Variants in ZNF148 observed in about 807,000 individuals in gnomAD.
ZNF148 encodes Beta-Enolase Repressor Factor-1.
In ZNF148, 7 loss-of-function variants were observed where a neutral mutation model predicts 67.7. The ratio of observed to expected loss-of-function variants is 0.10; its 90% CI spans 0.06 to 0.19. The LOEUF is 0.19. Among genes scored for constraint, ZNF148 ranks in the 10% least tolerant of loss-of-function variants. ZNF148 has a pLI of 1.00. For missense variants in ZNF148, 583 were observed against 947.1 expected, an observed-to-expected ratio of 0.62 and a Z score of 5.05; for synonymous variants, 333 against 330.7, an observed-to-expected ratio of 1.01 and a Z score of -0.08.
intron 4 of ZNF148, among the ~76,000 whole-genome samples, chr3:125,295,728 G>A (rs1939248665): frequency 6.6e-6 from 1 of 152,018 alleles, no homozygotes; most frequent in Non-Finnish European, 1.5e-5. Flanking sequence ...GATTTTTACA[G>A]AGTTAAATAA....
At chr3:125,257,197 T>A (rs963430964) in intron 7 of ZNF148, among the ~76,000 whole-genome samples, 6 of 152,090 alleles carry the variant, frequency 3.9e-5, no homozygotes, top group African/African-American at 1.4e-4. Context: ...ACTGTAACTT[T>A]TATTGGATGA....
intron 2 of ZNF148, among the ~76,000 whole-genome samples, 186 bp downstream of exon 2, chr3:125,330,972 G>T (rs184230180): frequency 8.6e-5 from 13 of 152,022 alleles, no homozygotes; most frequent in African/African-American, 2.9e-4. Flanking sequence ...ATGTACATAT[G>T]TCCATATCTA....
intron 1 of ZNF148, among the ~76,000 whole-genome samples, chr3:125,374,787 C>T (rs1008175638): frequency 6.6e-6 from 1 of 152,088 alleles, no homozygotes; most frequent in African/African-American, 2.4e-5. Flanking sequence ...CCGGCCTCCC[C>T]GTGCAAACAT....
chr3:125,357,273 C>T (rs1480476876), intron 1 of ZNF148: 4 of 153,508 alleles, frequency 2.6e-5, no homozygotes, highest in Non-Finnish European at 5.8e-5. Flanking sequence ...CCCTCCGCCT[C>T]CTCCTCCTCC....
intron 7 of ZNF148, among the ~76,000 whole-genome samples, chr3:125,261,467 A>C (rs900494158): frequency 1.2e-4 from 18 of 152,228 alleles, no homozygotes; most frequent in African/African-American, 4.3e-4. Context: ...TGAGAGGGCA[A>C]GGGTATGAAT....
chr3:125,294,812 C>A (rs1218308643), intron 4 of ZNF148, among the ~76,000 whole-genome samples: 5 of 152,060 alleles, frequency 3.3e-5, no homozygotes, highest in Non-Finnish European at 5.9e-5. Flanking sequence ...GACAGAAAGA[C>A]AAAATTTAAA....
intron 4 of ZNF148, among the ~76,000 whole-genome samples, chr3:125,296,920 C>A (rs1939312741): frequency 6.6e-6 from 1 of 151,026 alleles, no homozygotes; most frequent in Non-Finnish European, 1.5e-5. Flanking sequence ...ATAGACACAG[C>A]AAATTTTATG....
At chr3:125,324,074 A>T (rs961674903) in intron 2 of ZNF148, among the ~76,000 whole-genome samples, 1 of 152,168 alleles carries the variant, frequency 6.6e-6, no homozygotes, top group African/African-American at 2.4e-5. Context: ...TAGAAAAAAC[A>T]AAACTTAAGA....
At chr3:125,269,227 A>T (rs916900545) in intron 7 of ZNF148, among the ~76,000 whole-genome samples, 1 of 131,314 alleles carries the variant, frequency 7.6e-6, no homozygotes, top group African/African-American at 2.9e-5. Context: ...AAAAAAAAGC[A>T]AAAATTAGCT....
At chr3:125,234,050 T>C in intron 8 of ZNF148, 111 bp from the exon 9 acceptor site, 1 of 1,388,340 alleles carries the variant, frequency 7.2e-7, no homozygotes, top group Non-Finnish European at 9.6e-7. Flanking sequence ...ATAACATACA[T>C]AATTCCAAAC....
intron 1 of ZNF148, chr3:125,357,373 T>G (rs1287992647): frequency 6.5e-6 from 1 of 152,756 alleles, no homozygotes; most frequent in African/African-American, 2.4e-5. Context: ...TGCTGGTCCC[T>G]GCATACAGGC....
chr3:125,268,924 A>G (rs1294232569), intron 7 of ZNF148, among the ~76,000 whole-genome samples: 1 of 152,226 alleles, frequency 6.6e-6, no homozygotes, highest in Non-Finnish European at 1.5e-5. Context: ...ACAGAATGGG[A>G]GAAAATATTC....
chr3:125,341,178 A>G (rs1258447309), intron 1 of ZNF148, among the ~76,000 whole-genome samples: 1 of 151,796 alleles, frequency 6.6e-6, no homozygotes, highest in East Asian at 1.9e-4. Flanking sequence ...ACAAGTGAAA[A>G]AAAAAACAGC....
chr3:125,329,421 G>A (rs1251676480), intron 2 of ZNF148, among the ~76,000 whole-genome samples: 3 of 147,652 alleles, frequency 2.0e-5, no homozygotes, highest in Non-Finnish European at 4.5e-5. Flanking sequence ...GAGTGCAGTG[G>A]TGGCATCTTG....
At chr3:125,281,900 C>T (rs1237041817) in intron 5 of ZNF148, among the ~76,000 whole-genome samples, 2 of 152,084 alleles carry the variant, frequency 1.3e-5, no homozygotes, top group African/African-American at 4.8e-5. Flanking sequence ...GCATCAATGG[C>T]CCTTCCAATT....
In ZNF148 at chr3:125,233,004, A is replaced by C; in HGVS notation, c.1722T>G (p.Asn574Lys). 1 of 1,613,702 alleles carries C rather than the reference A, an allele frequency of 6.2e-7. No individual in the cohort carries two copies. The highest frequency in any genetic ancestry group is 1.3e-5 in the African/African-American group (1 of 75,012). ...GGGTGACCTCTGGTACTTCTGAAGA[A>C]TTTATTGATATGCTAGAAGTCACTT... ...DTEVTSSISI[N>K]SSEVPEVTPS... The change falls in exon 9 of 9, where the codon AAT becomes AAG. Residue 574 changes from asparagine to lysine, a missense_variant. Asn to Lys is a moderately conservative substitution (Grantham distance 94). This residue lies in a region of ZNF148 where 172 missense variants were observed against 307.7 expected (regional missense o/e 0.56). Coordinates refer to ENST00000360647, the MANE Select transcript of ZNF148 (RefSeq NM_021964.3). This position sits in a 1 kb window ranked among gnomAD's most constrained non-coding sequence, Gnocchi z 5.1.
intron 7 of ZNF148, among the ~76,000 whole-genome samples, chr3:125,273,309 T>C (rs912525304): frequency 2.0e-5 from 3 of 152,146 alleles, no homozygotes; most frequent in Non-Finnish European, 4.4e-5. Flanking sequence ...GACTGCTGTG[T>C]TTTCAGGCAT....
At chr3:125,352,831 A>C (rs1942203847) in intron 1 of ZNF148, among the ~76,000 whole-genome samples, 1 of 152,180 alleles carries the variant, frequency 6.6e-6, no homozygotes, top group African/African-American at 2.4e-5. Context: ...AGAAGAATGA[A>C]GTGAGAGGAG....
At chr3:125,321,916 A>C (rs1226656423) in intron 3 of ZNF148, among the ~76,000 whole-genome samples, 1 of 151,988 alleles carries the variant, frequency 6.6e-6, no homozygotes, top group Non-Finnish European at 1.5e-5. Context: ...GGGACTGTGC[A>C]CATACCACTA....
Sources: gnomAD v4.1 joint callset for allele counts (sites outside exome capture counted in the v4.1 genomes callset) on GRCh38, gnomAD v4.1.1 for gene constraint, gnomAD v4.1.1 regional missense constraint, Gnocchi (gnomAD v3.1) non-coding constraint, MANE v1.5 for transcripts, NCBI Gene and HGNC (gene_info 2026-07-23, HGNC 2026-07-21) for gene names.